CREB5: variants seen among roughly 807,000 people sequenced by gnomAD.
The protein encoded by CREB5 is cAMP responsive element binding protein 5.
A neutral mutation model predicts 57.1 loss-of-function variants in CREB5; 19 were observed. That is an observed-to-expected ratio of 0.33 (90% CI 0.23 to 0.49). CREB5 has a LOEUF of 0.49. Among genes scored for constraint, CREB5 ranks in the 20% least tolerant of loss-of-function variants. The pLI is 0.99. For synonymous variants in CREB5, 238 were observed against 238.3 expected, an observed-to-expected ratio of 1.00 and a Z score of 0.01; for missense variants, 579 against 671.6, an observed-to-expected ratio of 0.86 and a Z score of 1.52.
intron 4 of CREB5, among the ~76,000 whole-genome samples, chr7:28,545,195 A>G (rs1267310283): frequency 6.6e-6 from 1 of 152,230 alleles, no homozygotes; most frequent in Non-Finnish European, 1.5e-5. Flanking sequence ...ATTCCACTTC[A>G]CTGCCCATGC....
chr7:28,673,550 C>G (rs548274635), intron 5 of CREB5, among the ~76,000 whole-genome samples: 1 of 151,374 alleles, frequency 6.6e-6, no homozygotes, highest in East Asian at 2.0e-4. Flanking sequence ...TAAAGAAGGT[C>G]TACATCTCAT....
chr7:28,777,763 A>G (rs1806744850), intron 7 of CREB5, among the ~76,000 whole-genome samples: 1 of 152,182 alleles, frequency 6.6e-6, no homozygotes, highest in Non-Finnish European at 1.5e-5. Flanking sequence ...AATTTTTAAA[A>G]TTATAGTATT....
chr7:28,586,254 T>G (rs990394442), intron 5 of CREB5, among the ~76,000 whole-genome samples: 1 of 152,108 alleles, frequency 6.6e-6, no homozygotes, highest in African/African-American at 2.4e-5. Flanking sequence ...AGAGCCCTGA[T>G]GAAAGACCCC....
chr7:28,746,194 C>T (rs1043911096), intron 7 of CREB5, among the ~76,000 whole-genome samples: 1 of 152,170 alleles, frequency 6.6e-6, no homozygotes, highest in South Asian at 2.1e-4. Context: ...GAAAGTTCCA[C>T]CATTAATATT....
intron 7 of CREB5, among the ~76,000 whole-genome samples, chr7:28,748,612 A>G (rs1804804748): frequency 6.6e-6 from 1 of 152,228 alleles, no homozygotes; most frequent in Non-Finnish European, 1.5e-5. Flanking sequence ...ATCCTTGAGA[A>G]GAGAGACTTC....
chr7:28,366,490 T>C lies in CREB5; in HGVS notation c.-25+67049T>C, dbSNP rs185595321. Among the ~76,000 whole-genome samples, 526 of 152,290 alleles carry C rather than the reference T, an allele frequency of 3.5e-3. 6 individuals are homozygous for C. The highest frequency in any genetic ancestry group is 0.024 in the South Asian group (116 of 4,832). On this transcript the variant is annotated intron_variant, in intron 1 of 9. Transcript: ENST00000396299. ...GTTCAGCATTAATCCTCTCCATATT[T>C]TGTCTTTTTAAAAGATGTCAGCTCT...
intron 4 of CREB5, among the ~76,000 whole-genome samples, chr7:28,539,514 C>T (rs1047628280): frequency 1.3e-5 from 2 of 152,226 alleles, no homozygotes; most frequent in African/African-American, 4.8e-5. Flanking sequence ...AAGATATTAG[C>T]AACAGCCTGT....
chr7:28,649,715 C>T (rs570370742), intron 5 of CREB5, among the ~76,000 whole-genome samples: 1 of 152,218 alleles, frequency 6.6e-6, no homozygotes, highest in Admixed American at 6.5e-5. Context: ...ATCTTATTAT[C>T]TCTTATATTC....
chr7:28,417,637 A>G (rs1347671135), intron 1 of CREB5, among the ~76,000 whole-genome samples: 1 of 152,196 alleles, frequency 6.6e-6, no homozygotes, highest in Non-Finnish European at 1.5e-5. Flanking sequence ...AAGCTCCACA[A>G]GTGTTTCCAA....
chr7:28,346,046 G>A (rs1029263750), intron 1 of CREB5, among the ~76,000 whole-genome samples: 1 of 152,184 alleles, frequency 6.6e-6, no homozygotes, highest in Non-Finnish European at 1.5e-5. Context: ...TGGGTTAAGT[G>A]TCCCAGGTTG....
At chr7:28,535,950 T>C (rs1210380085) in intron 4 of CREB5, among the ~76,000 whole-genome samples, 1 of 152,180 alleles carries the variant, frequency 6.6e-6, no homozygotes, top group Non-Finnish European at 1.5e-5. Flanking sequence ...AAAACTGTGT[T>C]ACAACTTAAT....
At chr7:28,651,372 A>T (rs768105709) in intron 5 of CREB5, among the ~76,000 whole-genome samples, 9 of 152,194 alleles carry the variant, frequency 5.9e-5, no homozygotes, top group Non-Finnish European at 1.3e-4. Flanking sequence ...TCAAAAAGTG[A>T]CCTAGCCAGG....
At chr7:28,488,135 G>A in intron 1 of CREB5, 40 bp from the exon 2 acceptor site, 1 of 1,584,414 alleles carries the variant, frequency 6.3e-7, no homozygotes, top group East Asian at 2.2e-5. Flanking sequence ...GATATTCATG[G>A]ATTTCTTTTT....
At chr7:28,676,844 A>G (rs1159192211) in intron 5 of CREB5, among the ~76,000 whole-genome samples, 3 of 152,190 alleles carry the variant, frequency 2.0e-5, no homozygotes, top group African/African-American at 7.2e-5. Context: ...AATATTGCAA[A>G]ATAAACATCT....
rs781205444 is a variant in CREB5 at position 28,724,355 on chromosome 7, C to T, written c.702+23C>T. 1.9e-6 allele frequency: 3 copies of T among 1,574,368 alleles called. No individual in the cohort carries two copies. In the Admixed American group the frequency reaches 5.0e-5, roughly 26 times the overall value. On this transcript the variant is annotated intron_variant, in intron 7 of 10. Transcript: ENST00000357727. ...ATGGTAAGTAACAGTTATAATCACCCTTTCATTATTCTGTGACTTTTTCTT... is the reference window on the plus strand; with the variant it reads ...ATGGTAAGTAACAGTTATAATCACCTTTTCATTATTCTGTGACTTTTTCTT...
chr7:28,776,187 A>T (rs1010476592), intron 7 of CREB5, among the ~76,000 whole-genome samples: 1 of 151,982 alleles, frequency 6.6e-6, no homozygotes, highest in African/African-American at 2.4e-5. Flanking sequence ...AATCCAAAAA[A>T]ATTAGCCGGG....
At chr7:28,631,049 C>G (rs1033325265) in intron 5 of CREB5, among the ~76,000 whole-genome samples, 1 of 152,174 alleles carries the variant, frequency 6.6e-6, no homozygotes, top group African/African-American at 2.4e-5. Context: ...CCCCAGAGCA[C>G]ATGGCTCAAC....
At position 28,723,758 on chromosome 7, in the gene CREB5, A is replaced by G. The variant is rs749412617; in HGVS notation, c.592-464A>G. On this transcript the variant is annotated intron_variant, in intron 6 of 10. Coordinates refer to ENST00000357727, the MANE Select transcript of CREB5 (RefSeq NM_182898.4). Reference sequence around the variant, plus strand: ...AAAATTTAGAGACAAAAAAAGCCATAGATTTCCCAAGTTAACCATTTGGTA... The same window carrying G: ...AAAATTTAGAGACAAAAAAAGCCATGGATTTCCCAAGTTAACCATTTGGTA... Among the ~76,000 whole-genome samples, 80 of 152,352 alleles carry G rather than the reference A, an allele frequency of 5.3e-4. 1 individual carries two copies. Among genetic ancestry groups the G allele is most frequent in the Middle Eastern group, 3.4e-3 (1 of 294 alleles).
intron 5 of CREB5, among the ~76,000 whole-genome samples, chr7:28,662,138 A>G (rs117124430): frequency 1.4e-4 from 22 of 152,288 alleles, no homozygotes; most frequent in Non-Finnish European, 2.8e-4. Flanking sequence ...AAATCACTAC[A>G]AGAGTAGACA....
Sources: gnomAD v4.1 joint callset for allele counts (sites outside exome capture counted in the v4.1 genomes callset) on GRCh38, gnomAD v4.1.1 for gene constraint, MANE v1.5 for transcripts, NCBI Gene and HGNC (gene_info 2026-07-23, HGNC 2026-07-21) for gene names.